ACCSL: variants seen among roughly 807,000 people sequenced by gnomAD.
The protein encoded by ACCSL is probable inactive 1-aminocyclopropane-1-carboxylate synthase-like protein 2.
Under a neutral mutation model 61.7 loss-of-function variants are expected in ACCSL, and 55 were observed. That is an observed-to-expected ratio of 0.89 (90% CI 0.72 to 1.12). The LOEUF (loss-of-function observed/expected upper bound fraction) is 1.12, where lower values mean the gene tolerates loss of function less well. ACCSL is among the 50% of genes most tolerant of loss of function. The probability of loss-of-function intolerance (pLI) is 0.00; values close to 1 mark genes in which losing one functional copy is unlikely to be tolerated. For missense variants in ACCSL, 632 were observed against 698.0 expected (o/e 0.91, Z 1.07); for synonymous variants, 258 against 264.3 (o/e 0.98, Z 0.23).
At chr11:43,939,103 C>T in the ACCSL span, among the ~76,000 whole-genome samples, 2 of 152,176 alleles carry the variant, frequency 1.3e-5, no homozygotes, top group Non-Finnish European at 2.9e-5. Context: ...TAATATTTTG[C>T]TAAAAGCAAC....
the ACCSL span, among the ~76,000 whole-genome samples, chr11:43,921,919 A>G: frequency 2.0e-5 from 3 of 152,192 alleles, no homozygotes; most frequent in South Asian, 2.1e-4. Context: ...GGTACTTGCC[A>G]TAGAGTAAAA....
the ACCSL span, among the ~76,000 whole-genome samples, chr11:43,945,957 CCATA>C: frequency 6.6e-6 from 1 of 152,216 alleles, no homozygotes; most frequent in Non-Finnish European, 1.5e-5. Context: ...ATTGAGGGGA[CCATA>C]TTCCCTGCTC....
the ACCSL span, among the ~76,000 whole-genome samples, chr11:44,029,974 ATT>A: frequency 1.1e-4 from 3 of 27,016 alleles, no homozygotes; most frequent in African/African-American, 4.7e-4. Context: ...CCTTGTTTTT[ATT>A]TTATTTTATT....
the ACCSL span, among the ~76,000 whole-genome samples, chr11:44,002,358 A>AC: frequency 3.3e-5 from 5 of 152,002 alleles, no homozygotes; most frequent in South Asian, 1.0e-3. Context: ...GTGAATCTGG[A>AC]CCCCCAGGAA....
the ACCSL span, among the ~76,000 whole-genome samples, chr11:43,973,410 ATATCTATCTATC>A: frequency 0.1 from 15,344 of 148,922 alleles, 819 homozygotes; most frequent in Middle Eastern, 0.12. Flanking sequence ...TGGTTTTGAG[ATATCTATCTATC>A]TATCTATCTA....
the ACCSL span, among the ~76,000 whole-genome samples, chr11:43,963,071 T>C: frequency 2.0e-5 from 3 of 152,154 alleles, no homozygotes; most frequent in East Asian, 5.8e-4. Flanking sequence ...GTGGGACAAA[T>C]GAATTGTCTT....
At chr11:43,992,201 G>A in the ACCSL span, among the ~76,000 whole-genome samples, 6 of 143,690 alleles carry the variant, frequency 4.2e-5, no homozygotes, top group East Asian at 2.1e-4. Context: ...ACAGGTTCAC[G>A]CCACCATGCC....
chr11:43,953,009 C>T, the ACCSL span, among the ~76,000 whole-genome samples: 2 of 152,092 alleles, frequency 1.3e-5, no homozygotes, highest in African/African-American at 4.8e-5. Flanking sequence ...TGAGTGTTTC[C>T]ATTGTTTACT....
the ACCSL span, among the ~76,000 whole-genome samples, chr11:43,971,798 C>G: frequency 6.6e-6 from 1 of 152,130 alleles, no homozygotes; most frequent in African/African-American, 2.4e-5. Context: ...GAGGCCCTTC[C>G]AACTCCTGTG....
At chr11:44,002,233 G>T in the ACCSL span, among the ~76,000 whole-genome samples, 1 of 152,042 alleles carries the variant, frequency 6.6e-6, no homozygotes, top group South Asian at 2.1e-4. Context: ...GAAGGGGTGG[G>T]TTTGAGAGCG....
the ACCSL span, among the ~76,000 whole-genome samples, chr11:43,934,487 T>C: frequency 3.9e-4 from 59 of 152,118 alleles, no homozygotes; most frequent in African/African-American, 1.3e-3. Flanking sequence ...CGCACACACA[T>C]GCGCACACAC....
At chr11:43,967,733 A>T in the ACCSL span, among the ~76,000 whole-genome samples, 1 of 151,974 alleles carries the variant, frequency 6.6e-6, no homozygotes, top group East Asian at 1.9e-4. Flanking sequence ...CTTTGTATTG[A>T]TTCTGTGCTG....
chr11:43,957,614 G>GA, the ACCSL span, among the ~76,000 whole-genome samples: 4 of 152,118 alleles, frequency 2.6e-5, no homozygotes, highest in Non-Finnish European at 5.9e-5. Context: ...CAGTTTGCAG[G>GA]GCCATTTCAA....
chr11:44,015,244 G>C, the ACCSL span, among the ~76,000 whole-genome samples: 1 of 152,198 alleles, frequency 6.6e-6, no homozygotes, highest in Non-Finnish European at 1.5e-5. Flanking sequence ...CTATAAGGTT[G>C]CAATACACCA....
At chr11:44,021,240 T>C in the ACCSL span, among the ~76,000 whole-genome samples, 1 of 152,332 alleles carries the variant, frequency 6.6e-6, no homozygotes, top group South Asian at 2.1e-4. Flanking sequence ...CCACCAGCAG[T>C]GTAATAGTGT....
At chr11:43,995,730 C>T in the ACCSL span, among the ~76,000 whole-genome samples, 11 of 152,170 alleles carry the variant, frequency 7.2e-5, no homozygotes, top group South Asian at 6.2e-4. Context: ...AGGAGGCCAG[C>T]GAGTGCAGAG....
the ACCSL span, among the ~76,000 whole-genome samples, chr11:44,021,050 G>C: frequency 6.6e-6 from 1 of 152,026 alleles, no homozygotes; most frequent in Non-Finnish European, 1.5e-5. Context: ...CATTTAGGCT[G>C]GTTCCGTATT....
the ACCSL span, chr11:43,945,160 C>G: frequency 1.3e-5 from 2 of 152,412 alleles, no homozygotes; most frequent in East Asian, 3.9e-4. Flanking sequence ...TCCCTGAGAA[C>G]ACGCTGGCCC....
At chr11:43,970,705 T>C in the ACCSL span, among the ~76,000 whole-genome samples, 5 of 152,218 alleles carry the variant, frequency 3.3e-5, no homozygotes, top group African/African-American at 9.6e-5. Flanking sequence ...TCCCCATTTA[T>C]TTATTTGTGC....
Sources: allele counts gnomAD v4.1 joint callset (sites outside exome capture counted in the v4.1 genomes callset), GRCh38; gene constraint gnomAD v4.1.1; transcripts MANE v1.5; gene names NCBI Gene and HGNC (gene_info 2026-07-23, HGNC 2026-07-21).